Variants in DYNC1H1 observed in about 807,000 individuals in gnomAD.
DYNC1H1 encodes the protein dynein cytoplasmic 1 heavy chain 1, also known as cytoplasmic dynein 1 heavy chain 1.
DYNC1H1 carries 51 observed loss-of-function variants against 527.1 expected under a neutral mutation model. The ratio of observed to expected loss-of-function variants is 0.10; its 90% CI spans 0.08 to 0.12. The LOEUF is 0.12. Ranked by LOEUF, DYNC1H1 falls within the 10% of genes least tolerant of loss-of-function variation. The probability of loss-of-function intolerance (pLI) is 1.00; values close to 1 mark genes in which losing one functional copy is unlikely to be tolerated. For missense variants in DYNC1H1, 2,771 were observed against 5,971.8 expected (o/e 0.46, Z 17.66); for synonymous variants, 2,189 against 2,278.8 (o/e 0.96, Z 1.12).
Position 102,001,374 on chromosome 14 carries a change from G to A in DYNC1H1, c.4395+20G>A, listed in dbSNP as rs377176132. 47 of 1,613,958 alleles carry A rather than the reference G, an allele frequency of 2.9e-5. No individual in the cohort carries two copies. The highest frequency in any genetic ancestry group is 1.5e-4 in the African/African-American group (11 of 75,016). ...AAGCAGGCGAGTAATAGGACTGAAC[G>A]GCTGCTTTACGTTGTGTTTCGGGCT... is the stretch of plus-strand genomic sequence containing the variant. On this transcript the variant is annotated intron_variant, in intron 20 of 77. Transcript: ENST00000360184. The surrounding 1 kb of genome is among the most constrained non-coding windows in gnomAD (Gnocchi z 5.0).
chr14:102,047,635 G>GTATA lies in DYNC1H1; in HGVS notation c.13007-181_13007-180insATAT, dbSNP rs1434959122. The GTATA allele has an allele frequency of 4.7e-5, 19 of 400,770 alleles. No individual in the cohort carries two copies. In the African/African-American group the frequency reaches 7.8e-4, roughly 16 times the overall value. The allele number at this position is 400,770 out of a possible 1,614,324, so 24.8% of individuals were successfully genotyped here. On this transcript the variant is annotated intron_variant, in intron 72 of 77. Coordinates refer to ENST00000360184, the MANE Select transcript of DYNC1H1 (RefSeq NM_001376.5). ...TATATATACACGTGTGTGTGTGTGT[G>GTATA]TGTGTGTATATATATATATATATAT...
At chr14:101,967,334 T>C (rs1490191218) in intron 1 of DYNC1H1, among the ~76,000 whole-genome samples, 1 of 152,342 alleles carries the variant, frequency 6.6e-6, no homozygotes, top group Admixed American at 6.5e-5. Flanking sequence ...AGCTGAATTA[T>C]TTAAACTGAA....
In DYNC1H1 at chr14:102,002,151, C is replaced by T. The variant is rs571853182; in HGVS notation, c.4543-386C>T. 2.6e-5 allele frequency among the ~76,000 whole-genome samples: 4 copies of T among 151,208 alleles called. No homozygotes were observed. Among genetic ancestry groups the T allele is most frequent in the South Asian group, 4.2e-4 (2 of 4,768 alleles). ...TTTGAGATGGAGTCTCGCTCTGTCA[C>T]CCAGGCTGGAGTGCAATGGCACGAT... On this transcript the variant is annotated intron_variant, in intron 21 of 77. Coordinates refer to ENST00000360184, the MANE Select transcript of DYNC1H1 (RefSeq NM_001376.5). The surrounding 1 kb of genome is among the most constrained non-coding windows in gnomAD (Gnocchi z 4.4).
chr14:102,042,828 C>CT lies in DYNC1H1; in HGVS notation c.12513+81dup. On this transcript the variant is annotated intron_variant, in intron 69 of 77. Coordinates refer to ENST00000360184, the MANE Select transcript of DYNC1H1 (RefSeq NM_001376.5). This position sits in a 1 kb window ranked among gnomAD's most constrained non-coding sequence, Gnocchi z 5.7. ...CATCACCAAATGCAGAAGTGGGTCC[C>CT]TGGGCCCCCGGAAGTGCCGTGTGGT... 2.0e-6 allele frequency: 3 copies of CT among 1,518,806 alleles called. No homozygotes were observed. Among genetic ancestry groups the CT allele is most frequent in the Non-Finnish European group, 2.7e-6 (3 of 1,108,352 alleles). The allele number at this position is 1,518,806 out of a possible 1,614,324, so 94.1% of individuals were successfully genotyped here. A position where few individuals can be genotyped will look rare whatever the true frequency, so the allele number is the denominator to read the frequency against.
intron 2 of DYNC1H1, among the ~76,000 whole-genome samples, chr14:101,976,022 C>T (rs2047796348): frequency 6.6e-6 from 1 of 151,596 alleles, no homozygotes; most frequent in Non-Finnish European, 1.5e-5. Flanking sequence ...ATTCTCCTGC[C>T]TCAGCCTTCC....
intron 5 of DYNC1H1, among the ~76,000 whole-genome samples, chr14:101,981,709 A>G (rs2047866692): frequency 6.6e-6 from 1 of 152,214 alleles, no homozygotes; most frequent in Non-Finnish European, 1.5e-5. Flanking sequence ...ATGCGCATTC[A>G]CTATGCTGAA....
In DYNC1H1 at chr14:102,022,892, G is replaced by A. The variant is rs17512551; in HGVS notation, c.8637+12G>A. 1.6e-4 allele frequency: 253 copies of A among 1,614,112 alleles called. No homozygotes were observed. In the African/African-American group the frequency reaches 3.0e-3, roughly 19 times the overall value. On this transcript the variant is annotated intron_variant, in intron 43 of 77. Coordinates refer to ENST00000360184, the MANE Select transcript of DYNC1H1 (RefSeq NM_001376.5). ...ACTGGCTGTCAAAGGTAGCAAACTC[G>A]CATCATTTCAGACATACTTCTTTTT...
At position 102,002,101 on chromosome 14, in the gene DYNC1H1, C is replaced by CTT. The variant is rs1567006696; in HGVS notation, c.4542+425_4542+426dup. 1.3e-5 allele frequency among the ~76,000 whole-genome samples: 2 copies of CTT among 150,028 alleles called. No individual in the cohort carries two copies. The highest frequency in any genetic ancestry group is 3.0e-5 in the Non-Finnish European group (2 of 67,488). The stretch of plus-strand genomic sequence containing the variant: ...ACTTGTTTTTTTGTTTGTTTGCTTG[C>CTT]TTTTTTGTTTTTTTTTTTTCTTTTT... On this transcript the variant is annotated intron_variant, in intron 21 of 77. Transcript: ENST00000360184. The surrounding 1 kb of genome is among the most constrained non-coding windows in gnomAD (Gnocchi z 4.4).
intron 51 of DYNC1H1, 188 bp downstream of exon 51, chr14:102,030,470 T>C (rs2048498346): frequency 3.8e-6 from 3 of 786,578 alleles, no homozygotes; most frequent in Non-Finnish European, 5.9e-6. Context: ...CAAAGCAAAG[T>C]TCCTACAAAG....
chr14:101,974,985 G>T (rs2047784574), intron 1 of DYNC1H1, among the ~76,000 whole-genome samples: 1 of 152,186 alleles, frequency 6.6e-6, no homozygotes, highest in African/African-American at 2.4e-5. Flanking sequence ...CGCAGCAGAG[G>T]GCAAGGCTAG....
chr14:102,033,530 A>G lies in DYNC1H1; in HGVS notation c.10413+46A>G, dbSNP rs2048534133. ...CCTCAGCCTTTCCTGCTGTGGAAGC[A>G]GAGATTAACACACTTCAACATGCGC... On this transcript the variant is annotated intron_variant, in intron 54 of 77. Coordinates refer to ENST00000360184, the MANE Select transcript of DYNC1H1 (RefSeq NM_001376.5). This position sits in a 1 kb window ranked among gnomAD's most constrained non-coding sequence, Gnocchi z 5.6. 6.2e-7 allele frequency: 1 copy of G among 1,608,096 alleles called. No individual in the cohort carries two copies. Among genetic ancestry groups the G allele is most frequent in the African/African-American group, 1.3e-5 (1 of 74,788 alleles).
At chr14:101,984,117 C>T (rs2047899924) in intron 7 of DYNC1H1, among the ~76,000 whole-genome samples, 1 of 151,846 alleles carries the variant, frequency 6.6e-6, no homozygotes, top group African/African-American at 2.4e-5. Flanking sequence ...ATAGGCGCAC[C>T]CCACCATGCC....
rs1226157342 is a variant in DYNC1H1 at position 102,043,952 on chromosome 14, A to C, written c.12591A>C (p.Ala4197=). 2 of 1,614,076 alleles carry C rather than the reference A, an allele frequency of 1.2e-6. No homozygotes were observed. The highest frequency in any genetic ancestry group is 1.7e-6 in the Non-Finnish European group (2 of 1,180,050). The stretch of plus-strand genomic sequence containing the variant: ...TCATCCAAGAACGCTTACGATACGC[A>C]CCACTGGGGTGGTCAAAGAAGTATG... ...HAIIQERLRY[A]PLGWSKKYEF... is the part of the protein sequence containing the mutation. The change falls in exon 70 of 78, where the codon GCA becomes GCC. Residue 4197 remains alanine (A), a synonymous_variant. Coordinates refer to ENST00000360184, the MANE Select transcript of DYNC1H1 (RefSeq NM_001376.5).
chr14:101,986,733 A>G lies in DYNC1H1; in HGVS notation c.2508A>G (p.Leu836=), dbSNP rs2047941576. The change falls in exon 8 of 78, where the codon TTA becomes TTG. Residue 836 remains leucine (L), a synonymous_variant. Coordinates refer to ENST00000360184, the MANE Select transcript of DYNC1H1 (RefSeq NM_001376.5). The surrounding 1 kb of genome is among the most constrained non-coding windows in gnomAD (Gnocchi z 8.7). ...SYKLDPYVQR[L]AETVFNFQEK... is the part of the protein sequence containing the mutation. ...AACTTGACCCATATGTACAGCGCTT[A>G]GCAGAGACTGTCTTCAACTTCCAAG... 1 of 1,614,100 alleles carries G rather than the reference A, an allele frequency of 6.2e-7. No individual in the cohort carries two copies. The highest frequency in any genetic ancestry group is 1.3e-5 in the African/African-American group (1 of 74,924).
In DYNC1H1 at chr14:101,997,742, A is replaced by G. The variant is rs1427376264; in HGVS notation, c.3804+468A>G. Among the ~76,000 whole-genome samples, 1 of 152,182 alleles carries G rather than the reference A, an allele frequency of 6.6e-6. No homozygotes were observed. The highest frequency in any genetic ancestry group is 1.5e-5 in the Non-Finnish European group (1 of 68,024). ...GAAACTGCCACATCCACTTTTCTTC[A>G]TGCATTGAAGTATTTATTGAGCACC... On this transcript the variant is annotated intron_variant, in intron 16 of 77. Coordinates refer to ENST00000360184, the MANE Select transcript of DYNC1H1 (RefSeq NM_001376.5). The surrounding 1 kb of genome is among the most constrained non-coding windows in gnomAD (Gnocchi z 4.8).
Position 101,994,976 on chromosome 14 carries a change from T to G in DYNC1H1, c.3334-10T>G, listed in dbSNP as rs758428313. On this transcript the variant is annotated splice_polypyrimidine_tract_variant and intron_variant, in intron 13 of 77. Coordinates refer to ENST00000360184, the MANE Select transcript of DYNC1H1 (RefSeq NM_001376.5). ...AGCTGATGATGTGTTGTGTGCTATT[T>G]CACCCTCAGGTACAATCTAAGGTGA... 1 of 1,614,156 alleles carries G rather than the reference T, an allele frequency of 6.2e-7. No individual in the cohort carries two copies. The highest frequency in any genetic ancestry group is 1.1e-5 in the South Asian group (1 of 91,086).
chr14:102,038,254 C>T lies in DYNC1H1; in HGVS notation c.10909-206C>T, dbSNP rs571915489. The T allele has an allele frequency of 2.6e-5, 20 of 779,156 alleles. No individual in the cohort carries two copies. In the East Asian group the frequency reaches 5.0e-4, roughly 19 times the overall value. 48.3% of individuals were successfully genotyped at this position (779,156 alleles called of 1,614,324 possible). A position where few individuals can be genotyped will look rare whatever the true frequency, so the allele number is the denominator to read the frequency against. Reference sequence around the variant, plus strand: ...TCAGCCTCCCAAAGTGCTGGAATTACAGGCGTGAGCCACCGCATCTGGCTG... The same window carrying T: ...TCAGCCTCCCAAAGTGCTGGAATTATAGGCGTGAGCCACCGCATCTGGCTG... On this transcript the variant is annotated intron_variant, in intron 57 of 77. Coordinates refer to ENST00000360184, the MANE Select transcript of DYNC1H1 (RefSeq NM_001376.5). This position sits in a 1 kb window ranked among gnomAD's most constrained non-coding sequence, Gnocchi z 7.2.
At chr14:101,989,059 C>A (rs2047967060) in intron 10 of DYNC1H1, among the ~76,000 whole-genome samples, 1 of 152,216 alleles carries the variant, frequency 6.6e-6, no homozygotes, top group Admixed American at 6.5e-5. Flanking sequence ...CACCTCTGCG[C>A]TCTTTCTCCA....
intron 13 of DYNC1H1, 33 bp downstream of exon 13, chr14:101,994,882 G>A (rs1313923086): frequency 3.1e-6 from 5 of 1,613,894 alleles, no homozygotes; most frequent in African/African-American, 2.7e-5. Flanking sequence ...AAGGTGTCAC[G>A]GGTAGTGTAA....
Sources: allele counts gnomAD v4.1 joint callset (sites outside exome capture counted in the v4.1 genomes callset), GRCh38; gene constraint gnomAD v4.1.1; non-coding constraint Gnocchi (gnomAD v3.1); transcripts MANE v1.5; gene names NCBI Gene and HGNC (gene_info 2026-07-23, HGNC 2026-07-21).